SGCZ: variants seen among roughly 807,000 people sequenced by gnomAD.
SGCZ encodes the protein sarcoglycan zeta.
Under a neutral mutation model 41.3 loss-of-function variants are expected in SGCZ, and 40 were observed. That is an observed-to-expected ratio of 0.97 (90% CI 0.75 to 1.26). The LOEUF (loss-of-function observed/expected upper bound fraction) is 1.26. Among genes scored for constraint, SGCZ ranks in the 50% most tolerant of loss-of-function variants. The pLI is 0.00. For synonymous variants in SGCZ, 206 were observed against 137.5 expected, an observed-to-expected ratio of 1.50 and a Z score of -3.49; for missense variants, 552 against 369.8, an observed-to-expected ratio of 1.49 and a Z score of -4.04.
intron 4 of SGCZ, among the ~76,000 whole-genome samples, chr8:14,178,093 G>C (rs951824884): frequency 6.6e-6 from 1 of 151,378 alleles, no homozygotes; most frequent in Non-Finnish European, 1.5e-5. Flanking sequence ...TAGTAACTGA[G>C]ATTACAGGCA....
intron 1 of SGCZ, among the ~76,000 whole-genome samples, chr8:14,969,404 A>C (rs1197311071): frequency 1.3e-5 from 2 of 152,116 alleles, no homozygotes; most frequent in Admixed American, 1.3e-4. Context: ...CACATATTTA[A>C]AGTATAGAAT....
rs555210632 is a variant in SGCZ at position 15,142,068 on chromosome 8, A to G, written c.39+95517T>C. Among the ~76,000 whole-genome samples, 93 of 152,336 alleles carry G rather than the reference A, an allele frequency of 6.1e-4. 1 individual carries two copies. Among genetic ancestry groups the G allele is most frequent in the African/African-American group, 2.2e-3 (93 of 41,580 alleles). ...TCAAGAGCTTATAAAGGTTCCCAACAGATGGGGAAGAGAGGACCTTGATGC... is the reference window on the plus strand; with the variant it reads ...TCAAGAGCTTATAAAGGTTCCCAACGGATGGGGAAGAGAGGACCTTGATGC... On this transcript the variant is annotated intron_variant, in intron 1 of 7. Coordinates refer to ENST00000382080, the MANE Select transcript of SGCZ (RefSeq NM_139167.4).
chr8:14,595,160 G>T (rs1043044930), intron 1 of SGCZ, among the ~76,000 whole-genome samples: 1 of 152,040 alleles, frequency 6.6e-6, no homozygotes, highest in African/African-American at 2.4e-5. Context: ...ACCCTTTCAA[G>T]TGTCCCCCTA....
chr8:14,811,982 G>A (rs2250973), intron 1 of SGCZ, among the ~76,000 whole-genome samples: 1 of 151,968 alleles, frequency 6.6e-6, no homozygotes, highest in Admixed American at 6.6e-5. Context: ...CCCTGAGAAT[G>A]ATATGCAACT....
chr8:14,324,309 G>A (rs1021860956), intron 2 of SGCZ, 105 bp from the exon 3 acceptor site: 2 of 780,524 alleles, frequency 2.6e-6, no homozygotes, highest in South Asian at 1.5e-5. Flanking sequence ...TCAAATCAGT[G>A]ATGATTTAAG....
chr8:14,111,494 C>T (rs948898339), intron 5 of SGCZ, among the ~76,000 whole-genome samples: 1 of 152,122 alleles, frequency 6.6e-6, no homozygotes, highest in African/African-American at 2.4e-5. Context: ...ACAACAGAGA[C>T]ACATATTAAT....
chr8:14,480,824 TTTAA>T (rs1265290521), intron 2 of SGCZ, among the ~76,000 whole-genome samples: 1 of 152,104 alleles, frequency 6.6e-6, no homozygotes, highest in Non-Finnish European at 1.5e-5. Context: ...CACATATGTC[TTTAA>T]TTATCACAAC....
At chr8:14,416,747 G>A (rs1799503847) in intron 2 of SGCZ, among the ~76,000 whole-genome samples, 1 of 151,836 alleles carries the variant, frequency 6.6e-6, no homozygotes, top group Admixed American at 6.6e-5. Context: ...CTGCTAGCTT[G>A]CAGATCTTAT....
intron 1 of SGCZ, among the ~76,000 whole-genome samples, chr8:14,612,362 T>C (rs769266968): frequency 1.3e-5 from 2 of 152,148 alleles, no homozygotes; most frequent in African/African-American, 2.4e-5. Flanking sequence ...CCGGCTCCCT[T>C]ATGAAAAAGG....
At chr8:14,890,071 G>A (rs1014591293) in intron 1 of SGCZ, among the ~76,000 whole-genome samples, 1 of 152,006 alleles carries the variant, frequency 6.6e-6, no homozygotes, top group African/African-American at 2.4e-5. Context: ...ACAAAAATTA[G>A]CCGGGCATGG....
chr8:14,829,258 C>T (rs1316523447), intron 1 of SGCZ, among the ~76,000 whole-genome samples: 1 of 119,224 alleles, frequency 8.4e-6, no homozygotes, highest in Non-Finnish European at 1.6e-5. Flanking sequence ...GTGTTCTCAA[C>T]ATTTAGCTAC....
intron 2 of SGCZ, among the ~76,000 whole-genome samples, chr8:14,449,753 G>A (rs555660572): frequency 1.3e-5 from 2 of 152,170 alleles, no homozygotes; most frequent in East Asian, 3.9e-4. Context: ...GCTAATTGTG[G>A]CCATATTCTA....
chr8:14,459,906 A>G (rs1800853755), intron 2 of SGCZ, among the ~76,000 whole-genome samples: 1 of 152,172 alleles, frequency 6.6e-6, no homozygotes, highest in African/African-American at 2.4e-5. Flanking sequence ...AAAATGAGTC[A>G]AGCCATAAAA....
At chr8:14,142,088 G>A (rs1803388170) in intron 5 of SGCZ, among the ~76,000 whole-genome samples, 1 of 152,140 alleles carries the variant, frequency 6.6e-6, no homozygotes, top group Non-Finnish European at 1.5e-5. Flanking sequence ...AACACCGCAT[G>A]TTCTCACTCA....
chr8:14,691,655 G>C (rs938454012), intron 1 of SGCZ, among the ~76,000 whole-genome samples: 11 of 151,934 alleles, frequency 7.2e-5, no homozygotes, highest in Non-Finnish European at 7.4e-5. Context: ...AGTAGAAATA[G>C]TTCCATAAAT....
At chr8:14,693,898 G>C (rs1008947491) in intron 1 of SGCZ, among the ~76,000 whole-genome samples, 14 of 151,930 alleles carry the variant, frequency 9.2e-5, no homozygotes, top group African/African-American at 3.4e-4. Context: ...GGCCTTGAGG[G>C]CATTTTAAAC....
At chr8:15,029,189 G>C (rs920367555) in intron 1 of SGCZ, among the ~76,000 whole-genome samples, 3 of 152,032 alleles carry the variant, frequency 2.0e-5, no homozygotes, top group African/African-American at 7.2e-5. Flanking sequence ...CATAAGAACA[G>C]AAAATTTAAT....
chr8:14,826,494 C>T (rs542578734), intron 1 of SGCZ, among the ~76,000 whole-genome samples: 8 of 152,200 alleles, frequency 5.3e-5, no homozygotes, highest in African/African-American at 1.7e-4. Flanking sequence ...TTCTAGATCC[C>T]TGAGGAATCG....
rs1200377634 is a variant in SGCZ, at chr8:14,360,396, A to G, written c.235-36192T>C. On this transcript the variant is annotated intron_variant, in intron 2 of 7. Coordinates refer to ENST00000382080, the MANE Select transcript of SGCZ (RefSeq NM_139167.4). Reference sequence around the variant, plus strand: ...TCACCCAGACTGGAGCATGATCTCAACTCGCTGTAACCTCCGCCTCCTAGG... The same window carrying G: ...TCACCCAGACTGGAGCATGATCTCAGCTCGCTGTAACCTCCGCCTCCTAGG... Among the ~76,000 whole-genome samples the G allele has an allele frequency of 2.6e-5, 4 of 151,682 alleles. No individual in the cohort carries two copies. In the East Asian group the frequency reaches 7.8e-4, roughly 29 times the overall value.
Sources: allele counts gnomAD v4.1 joint callset (sites outside exome capture counted in the v4.1 genomes callset), GRCh38; gene constraint gnomAD v4.1.1; transcripts MANE v1.5; gene names NCBI Gene and HGNC (gene_info 2026-07-23, HGNC 2026-07-21).